MAST4: variants seen among roughly 807,000 people sequenced by gnomAD.
MAST4 encodes the protein microtubule-associated serine/threonine-protein kinase 4.
In MAST4, 89 loss-of-function variants were observed where a neutral mutation model predicts 162.7. The ratio of observed to expected loss-of-function variants is 0.55; its 90% CI spans 0.46 to 0.65. MAST4 has a LOEUF of 0.65. Among genes scored for constraint, MAST4 ranks in the 30% least tolerant of loss-of-function variants. The pLI is 0.00. For synonymous variants in MAST4, 1,479 were observed against 1,361.1 expected, an observed-to-expected ratio of 1.09 and a Z score of -1.91; for missense variants, 3,153 against 3,374.0, an observed-to-expected ratio of 0.93 and a Z score of 1.62.
At chr5:67,128,197 G>A (rs946416532) in intron 14 of MAST4, among the ~76,000 whole-genome samples, 24 of 152,086 alleles carry the variant, frequency 1.6e-4, no homozygotes, top group African/African-American at 4.8e-4. Flanking sequence ...TCATGTTCCT[G>A]TTTAAATATT....
chr5:66,699,788 A>T (rs1293611228), intron 1 of MAST4, among the ~76,000 whole-genome samples: 2 of 152,128 alleles, frequency 1.3e-5, no homozygotes, highest in Non-Finnish European at 2.9e-5. Flanking sequence ...GAGGGAGAAC[A>T]TCAGGATAAA....
intron 4 of MAST4, chr5:66,958,791 A>G (rs1001532210): frequency 8.8e-5 from 14 of 159,716 alleles, no homozygotes; most frequent in South Asian, 3.6e-4. Flanking sequence ...GCTGAATTCT[A>G]TTCGAGAGCA....
chr5:67,114,425 C>CTCTA, intron 12 of MAST4: 1 of 542,030 alleles, frequency 1.8e-6, no homozygotes, highest in East Asian at 3.7e-5. Context: ...TTGTGTCTAC[C>CTCTA]TAGAGCGTGG....
intron 4 of MAST4, among the ~76,000 whole-genome samples, chr5:66,906,839 T>A (rs76652477): frequency 0.033 from 4,975 of 152,204 alleles, 148 homozygotes; most frequent in African/African-American, 0.076. Context: ...TTTGCCTTTC[T>A]TGGTTAGGCA....
At chr5:67,064,127 T>C (rs1410540479) in intron 5 of MAST4, among the ~76,000 whole-genome samples, 1 of 151,934 alleles carries the variant, frequency 6.6e-6, no homozygotes, top group Non-Finnish European at 1.5e-5. Flanking sequence ...TTTAAAATAG[T>C]GAGAGGGGAG....
At chr5:67,098,422 A>G (rs1160070405) in intron 7 of MAST4, among the ~76,000 whole-genome samples, 1 of 152,168 alleles carries the variant, frequency 6.6e-6, no homozygotes, top group South Asian at 2.1e-4. Context: ...AATAAGTACT[A>G]CAGAATTGTA....
chr5:66,845,126 T>TATATAC (rs1358855625), intron 3 of MAST4, among the ~76,000 whole-genome samples: 1,590 of 66,618 alleles, frequency 0.024, 35 homozygotes, highest in African/African-American at 0.029. Flanking sequence ...TATATATATA[T>TATATAC]ACACACACAC....
chr5:66,996,626 C>G (rs746171642), intron 4 of MAST4, among the ~76,000 whole-genome samples: 2 of 152,182 alleles, frequency 1.3e-5, no homozygotes, highest in Non-Finnish European at 2.9e-5. Context: ...ATCTGTTTCC[C>G]TGCCTTCTCC....
chr5:66,931,351 T>G (rs149787581), intron 4 of MAST4, among the ~76,000 whole-genome samples: 118 of 152,290 alleles, frequency 7.7e-4, no homozygotes, highest in African/African-American at 2.8e-3. Context: ...CTATTAATTT[T>G]TCCAATTGTG....
At chr5:66,956,478 C>T (rs1745330239) in intron 4 of MAST4, among the ~76,000 whole-genome samples, 1 of 152,090 alleles carries the variant, frequency 6.6e-6, no homozygotes, top group Non-Finnish European at 1.5e-5. Context: ...ACCGCAGTTC[C>T]CCCTTTATTC....
In MAST4 at chr5:67,164,915, A is replaced by G. The variant is rs760418109; in HGVS notation, c.5736A>G (p.Thr1912=). 6.2e-7 allele frequency: 1 copy of G among 1,614,004 alleles called. No individual in the cohort carries two copies. The highest frequency in any genetic ancestry group is 2.2e-5 in the East Asian group (1 of 44,870). Residue 1912 remains threonine, a synonymous_variant, in exon 29 of 29, where the codon ACA becomes ACG. Coordinates refer to ENST00000403625, the MANE Select transcript of MAST4 (RefSeq NM_001164664.2). This position sits in a 1 kb window ranked among gnomAD's most constrained non-coding sequence, Gnocchi z 5.3. ...ATCCTACTGCCAGGAGCCCTGGAAC[A>G]GTCATGGAAAGCAATCCCCAACAGA... ...GPHPTARSPG[T]VMESNPQQRE...
intron 4 of MAST4, among the ~76,000 whole-genome samples, chr5:66,999,968 C>T (rs2046011089): frequency 6.6e-6 from 1 of 152,182 alleles, no homozygotes; most frequent in Non-Finnish European, 1.5e-5. Context: ...TTTCTTCAAC[C>T]TGTTCCTCAT....
intron 5 of MAST4, among the ~76,000 whole-genome samples, chr5:67,078,923 T>TATATAATATATATATATATATATA (rs1561622274): frequency 3.7e-5 from 3 of 81,734 alleles, no homozygotes; most frequent in Middle Eastern, 5.7e-3. Context: ...TATATATATA[T>TATATAATATATATATATATATATA]ATATATATAT....
At chr5:66,613,631 T>A (rs1743445153) in intron 1 of MAST4, among the ~76,000 whole-genome samples, 1 of 152,136 alleles carries the variant, frequency 6.6e-6, no homozygotes, top group South Asian at 2.1e-4. Flanking sequence ...TTCTGAGACC[T>A]CTGAGCTGTG....
chr5:66,757,606 C>A (rs1300355291), intron 1 of MAST4, among the ~76,000 whole-genome samples: 1 of 149,104 alleles, frequency 6.7e-6, no homozygotes, highest in South Asian at 2.2e-4. Context: ...TATTCTTGTT[C>A]TTAGAACAGG....
intron 3 of MAST4, among the ~76,000 whole-genome samples, chr5:66,860,177 C>A (rs1420412168): frequency 6.6e-6 from 1 of 152,116 alleles, no homozygotes; most frequent in Non-Finnish European, 1.5e-5. Context: ...CCTTTTATAC[C>A]TTTATTTTCT....
At chr5:66,651,079 A>G (rs1026020765) in intron 1 of MAST4, among the ~76,000 whole-genome samples, 1 of 152,144 alleles carries the variant, frequency 6.6e-6, no homozygotes, top group Non-Finnish European at 1.5e-5. Flanking sequence ...CAAAATCTAT[A>G]TTATGTTAAC....
intron 1 of MAST4, among the ~76,000 whole-genome samples, chr5:66,688,168 A>G (rs938889039): frequency 4.6e-5 from 7 of 152,182 alleles, no homozygotes; most frequent in Non-Finnish European, 7.3e-5. Context: ...TAGGTTCACA[A>G]GTCTCTGCCT....
intron 28 of MAST4, 133 bp downstream of exon 28, chr5:67,162,921 G>C: frequency 9.4e-7 from 1 of 1,063,038 alleles, no homozygotes; most frequent in East Asian, 2.6e-5. Context: ...CAGATTTATA[G>C]AGAGGTCATA....
Sources: gnomAD v4.1 joint callset for allele counts (sites outside exome capture counted in the v4.1 genomes callset) on GRCh38, gnomAD v4.1.1 for gene constraint, Gnocchi (gnomAD v3.1) non-coding constraint, MANE v1.5 for transcripts, NCBI Gene and HGNC (gene_info 2026-07-23, HGNC 2026-07-21) for gene names.